Variants in PCF11 observed in about 807,000 individuals in gnomAD.
PCF11 encodes the protein PCF11 cleavage and polyadenylation factor subunit.
A neutral mutation model predicts 166.1 loss-of-function variants in PCF11; 19 were observed. That is an observed-to-expected ratio of 0.11 (90% CI 0.08 to 0.17). PCF11 has a LOEUF of 0.17. PCF11 is among the 10% of genes least tolerant of loss of function. The probability of loss-of-function intolerance (pLI) is 1.00; values close to 1 mark genes in which losing one functional copy is unlikely to be tolerated. For missense variants in PCF11, 1,565 were observed against 1,855.5 expected (o/e 0.84, Z 2.88); for synonymous variants, 663 against 644.1 (o/e 1.03, Z -0.44).
intron 2 of PCF11, among the ~76,000 whole-genome samples, chr11:83,163,451 A>G (rs1860334560): frequency 6.6e-6 from 1 of 152,102 alleles, no homozygotes; most frequent in Non-Finnish European, 1.5e-5. Flanking sequence ...TTGTATATAG[A>G]AAGGCTCACC....
chr11:83,157,443 T>C, exon 1 of PCF11: 1 of 1,608,878 alleles, frequency 6.2e-7, no homozygotes, highest in Non-Finnish European at 8.5e-7. Flanking sequence ...CGGCGCAATG[T>C]CAGAGCAGAC....
At chr11:83,170,572 G>A (rs913464804) in intron 8 of PCF11, among the ~76,000 whole-genome samples, 5 of 152,020 alleles carry the variant, frequency 3.3e-5, no homozygotes, top group Admixed American at 3.3e-4. Context: ...CTCTGGTTAC[G>A]AAACATGCAC....
chr11:83,175,588 T>C (rs1008531254), intron 9 of PCF11, among the ~76,000 whole-genome samples: 1 of 152,038 alleles, frequency 6.6e-6, no homozygotes, highest in Non-Finnish European at 1.5e-5. Flanking sequence ...CCGTCTCTAC[T>C]AAAAATACAA....
chr11:83,166,242 A>C (rs1286360322), exon 5 of PCF11: 1 of 1,613,406 alleles, frequency 6.2e-7, no homozygotes, highest in Non-Finnish European at 8.5e-7. Flanking sequence ...TAGAAATAAA[A>C]TCATAAATGG....
chr11:83,164,615 G>A (rs192420219), intron 4 of PCF11, among the ~76,000 whole-genome samples: 5 of 152,112 alleles, frequency 3.3e-5, no homozygotes, highest in Admixed American at 3.3e-4. Context: ...AGGCGCAGTG[G>A]ATCATGCCTG....
chr11:83,159,632 A>G (rs1860150639), intron 1 of PCF11, among the ~76,000 whole-genome samples: 1 of 152,194 alleles, frequency 6.6e-6, no homozygotes, highest in South Asian at 2.1e-4. Context: ...TTATTTTTGT[A>G]AAGCCAGGTT....
intron 12 of PCF11, 79 bp from the exon 13 acceptor site, chr11:83,181,775 A>T: frequency 1.0e-6 from 1 of 962,076 alleles, no homozygotes; most frequent in Non-Finnish European, 1.5e-6. Context: ...CCCTACCTTT[A>T]AATGGCATTA....
In PCF11 at chr11:83,166,722, G is replaced by A. The variant is rs755541203; in HGVS notation, c.1817+8G>A. ...TTGGGAAGAAAATAAAAGGTATGAT[G>A]TTAACATTTTAAGTCAAGTGTAGTA... is the stretch of plus-strand genomic sequence containing the variant. On this transcript the variant is annotated splice_region_variant and intron_variant, in intron 5 of 15. Coordinates refer to ENST00000298281, the Ensembl canonical transcript of PCF11. The A allele has an allele frequency of 3.2e-6, 5 of 1,573,396 alleles. No individual in the cohort carries two copies. The highest frequency in any genetic ancestry group is 4.5e-5 in the East Asian group (2 of 44,726).
intron 10 of PCF11, 144 bp downstream of exon 10, chr11:83,177,348 T>TG: frequency 1.5e-6 from 1 of 655,900 alleles, no homozygotes; most frequent in African/African-American, 1.9e-5. Context: ...ATTTTCGGTT[T>TG]ATAATGAAAT....
chr11:83,183,130 T>G, intron 15 of PCF11, 57 bp downstream of exon 15: 1 of 1,064,686 alleles, frequency 9.4e-7, no homozygotes, highest in Non-Finnish European at 1.4e-6. Context: ...ATTTTACTTT[T>G]CAGTTTTTTT....
At chr11:83,169,307 T>A (rs1860591964) in exon 8 of PCF11, 1 of 1,610,912 alleles carries the variant, frequency 6.2e-7, no homozygotes, top group Non-Finnish European at 8.5e-7. Flanking sequence ...CAGCCAGGGG[T>A]TGGTATCAGG....
At chr11:83,157,853 T>A in intron 1 of PCF11, 1 of 572,446 alleles carries the variant, frequency 1.7e-6, no homozygotes, top group Non-Finnish European at 3.1e-6. Context: ...ACTTCCGCTT[T>A]CCAACTCCCT....
At chr11:83,177,326 C>G (rs1262829609) in intron 10 of PCF11, 122 bp downstream of exon 10, 1 of 752,376 alleles carries the variant, frequency 1.3e-6, no homozygotes, top group Non-Finnish European at 1.9e-6. Context: ...CTAGGTATAG[C>G]TTTTATTTTT....
At chr11:83,157,873 A>C in intron 1 of PCF11, 1 of 551,860 alleles carries the variant, frequency 1.8e-6, no homozygotes, top group South Asian at 2.2e-5. Flanking sequence ...TTTTTAGGCC[A>C]CCGCATTGTA....
intron 12 of PCF11, 138 bp from the exon 13 acceptor site, chr11:83,181,716 A>G: frequency 2.1e-6 from 1 of 478,552 alleles, no homozygotes; most frequent in Non-Finnish European, 3.5e-6. Flanking sequence ...TATATGTTTC[A>G]AAGTATAATT....
intron 4 of PCF11, among the ~76,000 whole-genome samples, chr11:83,164,608 C>T (rs770173108): frequency 1.3e-5 from 2 of 151,848 alleles, no homozygotes; most frequent in South Asian, 2.1e-4. Context: ...ATAGGCCAGG[C>T]GCAGTGGATC....
At chr11:83,169,895 G>T (rs1170225818) in exon 8 of PCF11, 3 of 1,612,338 alleles carry the variant, frequency 1.9e-6, no homozygotes, top group African/African-American at 2.7e-5. Context: ...AGAGCTTCTG[G>T]ACACTATTTT....
chr11:83,157,861 C>G, intron 1 of PCF11: 1 of 564,912 alleles, frequency 1.8e-6, no homozygotes, highest in African/African-American at 1.9e-5. Flanking sequence ...TTTCCAACTC[C>G]CTTTTTAGGC....
chr11:83,169,205 A>G, exon 8 of PCF11: 1 of 1,613,458 alleles, frequency 6.2e-7, no homozygotes, highest in Non-Finnish European at 8.5e-7. Context: ...ATGAGGTTTG[A>G]GGGCCCCCAT....
Sources: allele counts gnomAD v4.1 joint callset (sites outside exome capture counted in the v4.1 genomes callset), GRCh38; gene constraint gnomAD v4.1.1; transcripts MANE v1.5; gene names NCBI Gene and HGNC (gene_info 2026-07-23, HGNC 2026-07-21).